The following FAR2 variants were observed in gnomAD, a reference collection of about 807,000 sequenced individuals.
FAR2 encodes the protein fatty acyl-CoA reductase 2.
In FAR2, 19 loss-of-function variants were observed where a neutral mutation model predicts 56.0. That is an observed-to-expected ratio of 0.34 (90% confidence interval 0.24 to 0.50). FAR2 has a LOEUF of 0.50. Ranked by LOEUF, FAR2 falls within the 20% of genes least tolerant of loss-of-function variation. The pLI, the probability that FAR2 is intolerant of heterozygous loss-of-function variation, is 0.98. For missense variants in FAR2, 508 were observed against 642.2 expected (o/e 0.79, Z 2.26); for synonymous variants, 219 against 218.8 (o/e 1.00, Z -0.01).
At chr12:29,272,144 G>A (rs1183086292) in intron 2 of FAR2, among the ~76,000 whole-genome samples, 1 of 152,188 alleles carries the variant, frequency 6.6e-6, no homozygotes, top group Non-Finnish European at 1.5e-5. Context: ...TCTTAATGGT[G>A]TTCTCTGTTT....
At chr12:29,158,735 G>A (rs946631481) in intron 1 of FAR2, among the ~76,000 whole-genome samples, 5 of 152,242 alleles carry the variant, frequency 3.3e-5, no homozygotes, top group Non-Finnish European at 7.3e-5. Flanking sequence ...ACATAGTAGT[G>A]AGTGCAAATA....
chr12:29,230,052 A>G (rs1275745921), intron 1 of FAR2, among the ~76,000 whole-genome samples: 2 of 152,182 alleles, frequency 1.3e-5, no homozygotes, highest in African/African-American at 4.8e-5. Flanking sequence ...TTTTAGTTGA[A>G]GGAAAAACAG....
intron 1 of FAR2, among the ~76,000 whole-genome samples, chr12:29,227,313 A>G (rs543780312): frequency 1.3e-5 from 2 of 152,368 alleles, no homozygotes; most frequent in East Asian, 3.9e-4. Flanking sequence ...GAGAAAATAG[A>G]AACATTACAA....
intron 9 of FAR2, among the ~76,000 whole-genome samples, chr12:29,319,745 CT>C (rs1372783657): frequency 6.6e-6 from 1 of 152,172 alleles, no homozygotes; most frequent in Non-Finnish European, 1.5e-5. Context: ...TCCTAACTTC[CT>C]ATTCTGTAAA....
At chr12:29,287,886 T>G (rs905449307) in intron 2 of FAR2, among the ~76,000 whole-genome samples, 7 of 152,300 alleles carry the variant, frequency 4.6e-5, no homozygotes, top group Admixed American at 1.3e-4. Flanking sequence ...AAAAGCATTA[T>G]ATAAATGTAA....
chr12:29,311,666 T>TCACACACACACACACACA (rs61236613), intron 7 of FAR2, among the ~76,000 whole-genome samples: 75 of 147,528 alleles, frequency 5.1e-4, no homozygotes, highest in African/African-American at 1.3e-3. Flanking sequence ...AACATCTCTT[T>TCACACACACACACACACA]CACACACACA....
At chr12:29,284,983 AGGCGCCCG>A (rs530106698) in intron 2 of FAR2, among the ~76,000 whole-genome samples, 21 of 152,166 alleles carry the variant, frequency 1.4e-4, no homozygotes, top group African/African-American at 5.1e-4. Flanking sequence ...CTGGGACTAC[AGGCGCCCG>A]CCACCACGCC....
chr12:29,229,910 A>G (rs1947829090), intron 1 of FAR2, among the ~76,000 whole-genome samples: 1 of 152,128 alleles, frequency 6.6e-6, no homozygotes, highest in Middle Eastern at 3.2e-3. Context: ...AACACAGAAG[A>G]GCTGGAGAAC....
intron 1 of FAR2, among the ~76,000 whole-genome samples, chr12:29,165,690 A>G (rs1949819804): frequency 1.3e-5 from 2 of 152,190 alleles, no homozygotes; most frequent in African/African-American, 2.4e-5. Flanking sequence ...ATTTTTCAAG[A>G]ACAGAGTGTC....
intron 1 of FAR2, among the ~76,000 whole-genome samples, chr12:29,176,893 T>C (rs957727910): frequency 1.3e-5 from 2 of 152,212 alleles, no homozygotes; most frequent in African/African-American, 2.4e-5. Flanking sequence ...AAAGAAGAAG[T>C]GATGGCTTGG....
intron 1 of FAR2, among the ~76,000 whole-genome samples, chr12:29,177,258 T>A (rs781128640): frequency 6.6e-5 from 10 of 152,182 alleles, no homozygotes; most frequent in Non-Finnish European, 1.2e-4. Flanking sequence ...TCCAGTCTAT[T>A]CCAGCTGCAA....
chr12:29,273,956 GGT>G (rs1948661713), intron 2 of FAR2, among the ~76,000 whole-genome samples: 1 of 152,106 alleles, frequency 6.6e-6, no homozygotes, highest in South Asian at 2.1e-4. Flanking sequence ...TCTCTTGGTG[GGT>G]CACACCAGCC....
At chr12:29,194,560 C>CACACACACA (rs71042963) in intron 1 of FAR2, among the ~76,000 whole-genome samples, 1 of 144,980 alleles carries the variant, frequency 6.9e-6, no homozygotes, top group East Asian at 2.0e-4. Flanking sequence ...CACACACACA[C>CACACACACA]CACAGGAGGG....
At chr12:29,310,271 C>T (rs1177004136) in intron 6 of FAR2, among the ~76,000 whole-genome samples, 1 of 152,014 alleles carries the variant, frequency 6.6e-6, no homozygotes, top group African/African-American at 2.4e-5. Flanking sequence ...TTCTTATGTC[C>T]AAAAGAAGGG....
At chr12:29,178,063 A>G (rs1187126196) in intron 1 of FAR2, among the ~76,000 whole-genome samples, 4 of 152,002 alleles carry the variant, frequency 2.6e-5, no homozygotes, top group African/African-American at 7.3e-5. Context: ...TGAGACACAC[A>G]CTCCTGGTCT....
chr12:29,308,717 C>CATATATATATAT (rs1257059758), intron 5 of FAR2, among the ~76,000 whole-genome samples: 1 of 129,342 alleles, frequency 7.7e-6, no homozygotes, highest in Non-Finnish European at 1.6e-5. Context: ...CACACACACA[C>CATATATATATAT]ACATATATAT....
rs11050130 is a variant in FAR2 at position 29,212,757 on chromosome 12, T to G, written c.-38-57655T>G. On this transcript the variant is annotated intron_variant, in intron 1 of 11. Transcript: ENST00000536681. ...AAACTTCTTTTTAACTACTTCTTCT[T>G]TCTCCATAATTATAACCAGTTGCTA... Among the ~76,000 whole-genome samples the G allele has an allele frequency of 5.3e-3, 806 of 152,356 alleles. 7 individuals are homozygous for G. The highest frequency in any genetic ancestry group is 0.017 in the Middle Eastern group (5 of 294).
At chr12:29,277,351 G>T (rs970593172) in intron 2 of FAR2, 1 of 152,154 alleles carries the variant, frequency 6.6e-6, no homozygotes, top group Admixed American at 6.6e-5. Flanking sequence ...TAACAAGAAA[G>T]TACACACCTA....
At chr12:29,204,345 G>C (rs1947454742) in intron 1 of FAR2, among the ~76,000 whole-genome samples, 1 of 151,964 alleles carries the variant, frequency 6.6e-6, no homozygotes, top group Admixed American at 6.6e-5. Context: ...ATATCAAGAG[G>C]TACATATAAA....
Sources: allele counts gnomAD v4.1 joint callset (sites outside exome capture counted in the v4.1 genomes callset), GRCh38; gene constraint gnomAD v4.1.1; transcripts MANE v1.5; gene names NCBI Gene and HGNC (gene_info 2026-07-23, HGNC 2026-07-21).